CYFIP2: variants seen among roughly 807,000 people sequenced by gnomAD.
CYFIP2 encodes the protein cytoplasmic FMR1 interacting protein 2.
CYFIP2 carries 29 observed loss-of-function variants against 158.7 expected under a neutral mutation model. The observed-to-expected ratio is 0.18, with a 90% CI of 0.14 to 0.25. The LOEUF is 0.25. Among genes scored for constraint, CYFIP2 ranks in the 10% least tolerant of loss-of-function variants. The pLI is 1.00. For synonymous variants in CYFIP2, 585 were observed against 617.6 expected, an observed-to-expected ratio of 0.95 and a Z score of 0.78; for missense variants, 852 against 1,639.5, an observed-to-expected ratio of 0.52 and a Z score of 8.29.
At chr5:157,317,957 A>T (rs1760283962) in intron 13 of CYFIP2, among the ~76,000 whole-genome samples, 1 of 151,992 alleles carries the variant, frequency 6.6e-6, no homozygotes, top group African/African-American at 2.4e-5. Flanking sequence ...GATTCTCCTC[A>T]TTATTTATTA....
chr5:157,294,890 C>G (rs1221578847), intron 4 of CYFIP2, 30 bp downstream of exon 4: 1 of 1,592,406 alleles, frequency 6.3e-7, no homozygotes, highest in South Asian at 1.1e-5. Flanking sequence ...GTGTCTCTTT[C>G]CCCTCCAGAG....
intron 23 of CYFIP2, among the ~76,000 whole-genome samples, chr5:157,348,680 G>A (rs1309236048): frequency 6.6e-6 from 1 of 152,178 alleles, no homozygotes; most frequent in Non-Finnish European, 1.5e-5. Flanking sequence ...CCAAAGTACT[G>A]GGATTACAGG....
chr5:157,267,422 G>A (rs1324100693), intron 1 of CYFIP2, among the ~76,000 whole-genome samples: 1 of 152,130 alleles, frequency 6.6e-6, no homozygotes, highest in East Asian at 1.9e-4. Flanking sequence ...AGCAACCTGG[G>A]TCCCTGAGAT....
Position 157,291,465 on chromosome 5 carries a change from C to T in CYFIP2, c.208-3318C>T, listed in dbSNP as rs575170196. On this transcript the variant is annotated intron_variant, in intron 3 of 30. Coordinates refer to ENST00000620254, the MANE Select transcript of CYFIP2 (RefSeq NM_001037333.3). ...GAGTTCACATTCTTCTTGTTCACTG[C>T]GCTGTTTGCAGCACAAAGCACAGAG... Among the ~76,000 whole-genome samples the T allele has an allele frequency of 6.6e-5, 10 of 152,318 alleles. No individual in the cohort carries two copies. The South Asian group carries it at 1.7e-3, about 25-fold the overall frequency.
intron 23 of CYFIP2, among the ~76,000 whole-genome samples, chr5:157,357,368 C>G (rs529238038): frequency 3.4e-4 from 52 of 152,314 alleles, no homozygotes; most frequent in African/African-American, 1.2e-3. Flanking sequence ...GAAAATCTTG[C>G]AGTACTCCAA....
At chr5:157,282,711 C>A (rs1045631181) in intron 1 of CYFIP2, among the ~76,000 whole-genome samples, 3 of 152,184 alleles carry the variant, frequency 2.0e-5, no homozygotes, top group African/African-American at 7.2e-5. Flanking sequence ...ATTTTGCCAT[C>A]CCTACTAACA....
chr5:157,317,737 G>A lies in CYFIP2; in HGVS notation c.1357-2025G>A, dbSNP rs562042930. ...TGTTCTTCATAGAATTAGCAATACT[G>A]TATTTTTTATTTTGTTTTCTATGAG... is the stretch of plus-strand genomic sequence containing the variant. On this transcript the variant is annotated intron_variant, in intron 13 of 30. Transcript: ENST00000620254. 2.0e-5 allele frequency among the ~76,000 whole-genome samples: 3 copies of A among 152,240 alleles called. No homozygotes were observed. The South Asian group carries it at 6.2e-4, about 32-fold the overall frequency.
chr5:157,323,825 A>AG lies in CYFIP2; in HGVS notation c.1672-95dup, dbSNP rs1023948221. 223 of 1,154,102 alleles carry AG rather than the reference A, an allele frequency of 1.9e-4. 1 individual carries two copies. In the African/African-American group the frequency reaches 3.9e-3, roughly 20 times the overall value. The allele number at this position is 1,154,102 out of a possible 1,614,324, so 71.5% of individuals were successfully genotyped here. ...GTGCTTTTTAAGAGCAGACATCTGC[A>AG]GAAAAAAAAAAATACATAAATACAA... is the stretch of plus-strand genomic sequence containing the variant. On this transcript the variant is annotated intron_variant, in intron 15 of 30. Coordinates refer to ENST00000620254, the MANE Select transcript of CYFIP2 (RefSeq NM_001037333.3).
At chr5:157,356,930 T>A (rs932190398) in intron 23 of CYFIP2, among the ~76,000 whole-genome samples, 1 of 152,294 alleles carries the variant, frequency 6.6e-6, no homozygotes, top group South Asian at 2.1e-4. Flanking sequence ...TTGCTGAACA[T>A]CAGCTTCAGT....
intron 26 of CYFIP2, among the ~76,000 whole-genome samples, chr5:157,369,820 A>T (rs1430734964): frequency 6.6e-6 from 1 of 152,064 alleles, no homozygotes; most frequent in Non-Finnish European, 1.5e-5. Context: ...AAATCTGCTT[A>T]AAAATTCTGA....
In CYFIP2 at chr5:157,320,787, G is replaced by A. The variant is rs902783621; in HGVS notation, c.1656G>A (p.Gly552=). The A allele has an allele frequency of 6.3e-7, 1 of 1,598,642 alleles. No homozygotes were observed. Among genetic ancestry groups the A allele is most frequent in the African/African-American group, 1.3e-5 (1 of 74,556 alleles). ...FDIKVPRRAV[G]PSSTQLYMVR... The stretch of plus-strand genomic sequence containing the variant: ...TCAAGGTGCCCCGGCGTGCTGTGGG[G>A]CCATCCAGCACACAGGTAAGCGGCT... The change falls in exon 15 of 31, where the codon GGG becomes GGA. Residue 552 remains glycine (G), a synonymous_variant. Coordinates refer to ENST00000620254, the MANE Select transcript of CYFIP2 (RefSeq NM_001037333.3).
In CYFIP2 at chr5:157,333,363, A is replaced by T. The variant is rs991288109; in HGVS notation, c.2302A>T (p.Thr768Ser). The T allele has an allele frequency of 1.2e-6, 2 of 1,613,804 alleles. No individual in the cohort carries two copies. Among genetic ancestry groups the T allele is most frequent in the Admixed American group, 1.7e-5 (1 of 59,996 alleles). ...ATCAATTGACTTGAACAGACTCATTACCCAGCGCATCTCTGCCGCCATGTA... is the reference window on the plus strand; with the variant it reads ...ATCAATTGACTTGAACAGACTCATTTCCCAGCGCATCTCTGCCGCCATGTA... ...GRSIDLNRLI[T>S]QRISAAMYKS... is the part of the protein sequence containing the mutation. The change falls in exon 21 of 31, where the codon ACC becomes TCC. Residue 768 changes from threonine to serine, a missense_variant. Physicochemically the swap from Thr to Ser is moderately conservative, Grantham distance 58. This residue lies in a region of CYFIP2 where 191 missense variants were observed against 311.2 expected (regional missense o/e 0.61). Transcript: ENST00000620254.
At chr5:157,353,297 C>G (rs1763194714) in intron 23 of CYFIP2, among the ~76,000 whole-genome samples, 1 of 152,200 alleles carries the variant, frequency 6.6e-6, no homozygotes, top group Non-Finnish European at 1.5e-5. Context: ...TTTAGCATCT[C>G]TGAGTGTGAC....
chr5:157,269,844 T>A (rs1325891246), intron 1 of CYFIP2, among the ~76,000 whole-genome samples: 4 of 152,228 alleles, frequency 2.6e-5, no homozygotes, highest in Non-Finnish European at 5.9e-5. Flanking sequence ...CACTTCAGAA[T>A]TCAGTCAGTG....
chr5:157,284,623 T>TAATAGAA (rs1757232985), intron 1 of CYFIP2, among the ~76,000 whole-genome samples: 1 of 152,260 alleles, frequency 6.6e-6, no homozygotes, highest in East Asian at 1.9e-4. Flanking sequence ...GTAACTGTGC[T>TAATAGAA]GTTCAGATTC....
At chr5:157,376,381 C>A (rs73815876) in intron 26 of CYFIP2, 1 of 152,300 alleles carries the variant, frequency 6.6e-6, no homozygotes, top group Non-Finnish European at 1.5e-5. Flanking sequence ...CAGAGCTCTA[C>A]CTGTTGTAGT....
chr5:157,372,759 C>T (rs774775590), intron 26 of CYFIP2, among the ~76,000 whole-genome samples: 43 of 152,154 alleles, frequency 2.8e-4, no homozygotes, highest in Non-Finnish European at 5.7e-4. Context: ...CCAAGAAAGA[C>T]AAATGAAGCC....
chr5:157,268,903 G>A (rs1213901232), intron 1 of CYFIP2, among the ~76,000 whole-genome samples: 1 of 152,206 alleles, frequency 6.6e-6, no homozygotes. Flanking sequence ...GCAGTGAATG[G>A]AGGCAGGGGA....
At chr5:157,272,786 A>G (rs533110614) in intron 1 of CYFIP2, among the ~76,000 whole-genome samples, 10 of 152,292 alleles carry the variant, frequency 6.6e-5, no homozygotes, top group African/African-American at 2.4e-4. Flanking sequence ...AGCCAAGTAA[A>G]GTCCTTTGAT....
Sources: gnomAD v4.1 joint callset for allele counts (sites outside exome capture counted in the v4.1 genomes callset) on GRCh38, gnomAD v4.1.1 for gene constraint, gnomAD v4.1.1 regional missense constraint, MANE v1.5 for transcripts, NCBI Gene and HGNC (gene_info 2026-07-23, HGNC 2026-07-21) for gene names.